The following SEC24A variants were observed in gnomAD, a reference collection of about 807,000 sequenced individuals.
SEC24A encodes protein transport protein Sec24A.
Under a neutral mutation model 129.4 loss-of-function variants are expected in SEC24A, and 93 were observed. That is an observed-to-expected ratio of 0.72 (90% confidence interval 0.61 to 0.85). The LOEUF (loss-of-function observed/expected upper bound fraction) is 0.85. SEC24A is among the 40% of genes least tolerant of loss of function. The pLI is 0.00. For missense variants in SEC24A, 1,264 were observed against 1,307.4 expected (o/e 0.97, Z 0.51); for synonymous variants, 460 against 467.3 (o/e 0.98, Z 0.20).
intron 13 of SEC24A, among the ~76,000 whole-genome samples, chr5:134,695,137 AGATGGAAGCATC>A (rs1751779277): frequency 6.6e-6 from 1 of 152,134 alleles, no homozygotes; most frequent in Non-Finnish European, 1.5e-5. Flanking sequence ...TGGGAGGCTG[AGATGGAAGCATC>A]GGTTGAGCTC....
intron 13 of SEC24A, among the ~76,000 whole-genome samples, chr5:134,695,121 G>A (rs1156747213): frequency 6.6e-6 from 1 of 152,096 alleles, no homozygotes; most frequent in East Asian, 1.9e-4. Context: ...TATAATCCCA[G>A]CCCTTTGGGA....
At chr5:134,662,015 G>A (rs559837611) in intron 2 of SEC24A, among the ~76,000 whole-genome samples, 2 of 151,834 alleles carry the variant, frequency 1.3e-5, no homozygotes, top group Admixed American at 6.6e-5. Flanking sequence ...ATTTTTAGTA[G>A]AGATGGGGTT....
At position 134,697,198 on chromosome 5, in the gene SEC24A, G is replaced by T; in HGVS notation, c.2059G>T (p.Val687Phe). The T allele has an allele frequency of 3.7e-6, 6 of 1,605,710 alleles. No individual in the cohort carries two copies. The highest frequency in any genetic ancestry group is 5.1e-6 in the Non-Finnish European group (6 of 1,173,866). ...ALDCSGQQVAVDLFLLSGQYS... is the reference protein window; with the variant it reads ...ALDCSGQQVAFDLFLLSGQYS... ...GGACTGTTCTGGTCAGCAAGTTGCT[G>T]TTGACTTATTCCTTCTCAGTGGACA... is the stretch of plus-strand genomic sequence containing the variant. The change falls in exon 14 of 23, where the codon GTT becomes TTT. Residue 687 changes from valine to phenylalanine, a missense_variant. By Grantham distance (50) the Val-to-Phe change is conservative (BLOSUM62 -1). Transcript: ENST00000398844.
chr5:134,675,064 AT>A lies in SEC24A; in HGVS notation c.1001del (p.Leu334Ter). ...AFTQTPLGANHLTTSMSGLSL... is the reference protein window; with the variant it reads ...AFTQTPLGANXLTTSMSGLSL... ...CTGTAGACTCCCTTAGGTGCTAATC[AT>A]TTAACCACAAGCATGAGTGGATTAA... On this transcript the variant is annotated frameshift_variant, in exon 6 of 23. Transcript: ENST00000398844. LOFTEE classifies it high-confidence loss of function. The A allele has an allele frequency of 6.2e-7, 1 of 1,605,646 alleles. No individual in the cohort carries two copies. The highest frequency in any genetic ancestry group is 8.5e-7 in the Non-Finnish European group (1 of 1,174,334).
chr5:134,689,644 C>G (rs1036420058), intron 11 of SEC24A, among the ~76,000 whole-genome samples: 3 of 151,922 alleles, frequency 2.0e-5, no homozygotes, highest in Non-Finnish European at 4.4e-5. Context: ...ACCTGTAGTC[C>G]CAGCTACTCG....
chr5:134,659,715 C>T (rs1478161021), intron 1 of SEC24A, among the ~76,000 whole-genome samples: 1 of 145,890 alleles, frequency 6.9e-6, no homozygotes, highest in Non-Finnish European at 1.5e-5. Flanking sequence ...AGTGCAGTGG[C>T]GTGAACGCAG....
At chr5:134,689,766 GA>G (rs748091382) in intron 11 of SEC24A, among the ~76,000 whole-genome samples, 162 of 92,746 alleles carry the variant, frequency 1.7e-3, no homozygotes, top group Middle Eastern at 5.9e-3. Flanking sequence ...TCCATCTCAA[GA>G]AAAAAAAAAA....
At chr5:134,698,896 G>A (rs1023175924) in intron 15 of SEC24A, among the ~76,000 whole-genome samples, 5 of 151,616 alleles carry the variant, frequency 3.3e-5, no homozygotes, top group Non-Finnish European at 5.9e-5. Flanking sequence ...GCCTCCCAAG[G>A]CACTGGGATT....
In SEC24A at chr5:134,648,880, C is replaced by A. The variant is rs1434404421; in HGVS notation, c.-197C>A. 1.1e-5 allele frequency: 5 copies of A among 446,336 alleles called. No homozygotes were observed. Among genetic ancestry groups the A allele is most frequent in the African/African-American group, 8.2e-5 (4 of 48,706 alleles). The allele number at this position is 446,336 out of a possible 1,614,324, so 27.6% of individuals were successfully genotyped here. A position where few individuals can be genotyped will look rare whatever the true frequency, so the allele number is the denominator to read the frequency against. ...CGCCGGCCCGACTCTCAAGCCTCAG[C>A]TCCCAGGCTAGGCTGTGGCCGCCGG... is the stretch of plus-strand genomic sequence containing the variant. On this transcript the variant is annotated 5_prime_UTR_variant, in exon 1 of 23. Transcript: ENST00000398844.
chr5:134,711,892 C>A (rs10463921), intron 18 of SEC24A, among the ~76,000 whole-genome samples: 7,503 of 151,836 alleles, frequency 0.049, 388 homozygotes, highest in South Asian at 0.23. Flanking sequence ...GGACTACAGG[C>A]GCCCACTACC....
At chr5:134,680,124 G>GA (rs1408222022) in intron 8 of SEC24A, among the ~76,000 whole-genome samples, 1 of 152,152 alleles carries the variant, frequency 6.6e-6, no homozygotes, top group Non-Finnish European at 1.5e-5. Context: ...TGAATGAAGG[G>GA]AAGTAGGCAG....
In SEC24A at chr5:134,661,548, C is replaced by G; in HGVS notation, c.527C>G (p.Ser176Cys). ...SLTTNHQYVS[S>C]GYPSLQNSFI... ...ACCACAAATCATCAATATGTTTCTTCTGGATATCCTTCACTTCAAAATAGC... is the reference window on the plus strand; with the variant it reads ...ACCACAAATCATCAATATGTTTCTTGTGGATATCCTTCACTTCAAAATAGC... The change falls in exon 2 of 23, where the codon TCT (serine) becomes TGT (cysteine). Residue 176 changes from serine to cysteine, a missense_variant. By Grantham distance (112) the Ser-to-Cys change is moderately radical. Coordinates refer to ENST00000398844, the MANE Select transcript of SEC24A (RefSeq NM_021982.3). 6.2e-7 allele frequency: 1 copy of G among 1,613,928 alleles called. No individual in the cohort carries two copies. Among genetic ancestry groups the G allele is most frequent in the Non-Finnish European group, 8.5e-7 (1 of 1,179,818 alleles).
chr5:134,665,252 G>GC (rs755864109), intron 2 of SEC24A, among the ~76,000 whole-genome samples: 1 of 150,964 alleles, frequency 6.6e-6, no homozygotes, highest in African/African-American at 2.4e-5. Flanking sequence ...TTTGAGATCA[G>GC]CCTCCAGCCT....
chr5:134,690,192 G>T (rs1384558669), intron 11 of SEC24A, among the ~76,000 whole-genome samples: 2 of 151,710 alleles, frequency 1.3e-5, no homozygotes, highest in African/African-American at 4.8e-5. Context: ...CTAATTTTTT[G>T]TATTTTTAGT....
chr5:134,660,710 C>G (rs1750422775), intron 1 of SEC24A, among the ~76,000 whole-genome samples: 1 of 151,764 alleles, frequency 6.6e-6, no homozygotes, highest in South Asian at 2.1e-4. Flanking sequence ...CGCATACCAT[C>G]AAGGCTGGCT....
Position 134,692,831 on chromosome 5 carries a change from C to G in SEC24A, c.1779+174C>G, listed in dbSNP as rs1250948035. 6 of 702,150 alleles carry G rather than the reference C, an allele frequency of 8.5e-6. No individual in the cohort carries two copies. The African/African-American group carries it at 1.1e-4, about 13-fold the overall frequency. The allele number at this position is 702,150 out of a possible 1,614,324, so 43.5% of individuals were successfully genotyped here. ...CTCTTGAGTTCAACCTTGAGCTGAT[C>G]ATTTTTAAGTCTAATGAAGCAAGTT... On this transcript the variant is annotated intron_variant, in intron 12 of 22. Transcript: ENST00000398844.
At chr5:134,673,693 A>G (rs1750955391) in intron 4 of SEC24A, among the ~76,000 whole-genome samples, 1 of 149,108 alleles carries the variant, frequency 6.7e-6, no homozygotes, top group Non-Finnish European at 1.5e-5. Context: ...TCCTGACCTC[A>G]AAGTGATCCA....
intron 10 of SEC24A, 41 bp from the exon 11 acceptor site, chr5:134,688,140 G>A (rs762154818): frequency 1.8e-6 from 2 of 1,084,090 alleles, no homozygotes; most frequent in Non-Finnish European, 2.9e-6. Flanking sequence ...ATTTGTATGT[G>A]GTTAAAACTT....
intron 15 of SEC24A, among the ~76,000 whole-genome samples, chr5:134,699,301 C>CTTTTTTTTTTTTTTTTTTTTTTT (rs1208203003): frequency 4.6e-4 from 64 of 138,402 alleles, no homozygotes; most frequent in African/African-American, 1.7e-3. Flanking sequence ...CCATTTTATC[C>CTTTTTTTTTTTTTTTTTTTTTTT]TTTTTTTTTT....
Sources: allele counts gnomAD v4.1 joint callset (sites outside exome capture counted in the v4.1 genomes callset), GRCh38; gene constraint gnomAD v4.1.1; transcripts MANE v1.5; gene names NCBI Gene and HGNC (gene_info 2026-07-23, HGNC 2026-07-21).